The following KPNA6 variants were observed in gnomAD, a reference collection of about 807,000 sequenced individuals.
The protein encoded by KPNA6 is importin subunit alpha-7.
In KPNA6, 9 loss-of-function variants were observed where a neutral mutation model predicts 72.0. The observed-to-expected ratio is 0.13, with a 90% CI of 0.08 to 0.22. The LOEUF (loss-of-function observed/expected upper bound fraction) is 0.22. Among genes scored for constraint, KPNA6 ranks in the 10% least tolerant of loss-of-function variants. The pLI is 1.00. For missense variants in KPNA6, 374 were observed against 655.7 expected, an observed-to-expected ratio of 0.57 and a Z score of 4.69; for synonymous variants, 219 against 242.1, an observed-to-expected ratio of 0.90 and a Z score of 0.89.
chr1:32,115,231 G>A (rs1437506666), intron 1 of KPNA6, among the ~76,000 whole-genome samples: 2 of 151,828 alleles, frequency 1.3e-5, no homozygotes, highest in East Asian at 1.9e-4. Context: ...GGCCTCCCGG[G>A]TTCACGCCAT....
chr1:32,148,549 A>G (rs1364604904), intron 1 of KPNA6, among the ~76,000 whole-genome samples: 7 of 145,476 alleles, frequency 4.8e-5, no homozygotes, highest in African/African-American at 1.5e-4. Flanking sequence ...AATGTGGTGT[A>G]TATTGGTCTT....
rs1642465963 is a variant in KPNA6, at chr1:32,173,022, C to T, written c.*2128C>T. The T allele has an allele frequency of 2.5e-6, 1 of 398,034 alleles. No individual in the cohort carries two copies. The highest frequency in any genetic ancestry group is 4.4e-5 in the Admixed American group (1 of 22,678). 24.7% of individuals were successfully genotyped at this position (398,034 alleles called of 1,614,324 possible). ...GTCTGGCAATTGTCCTTGAAAAATCCCACCCATGTTGTACCACCTTGGTGA... is the reference window on the plus strand; with the variant it reads ...GTCTGGCAATTGTCCTTGAAAAATCTCACCCATGTTGTACCACCTTGGTGA... On this transcript the variant is annotated 3_prime_UTR_variant, in exon 14 of 14. Coordinates refer to ENST00000373625, the MANE Select transcript of KPNA6 (RefSeq NM_012316.5).
intron 2 of KPNA6, 74 bp downstream of exon 2, chr1:32,154,795 C>A: frequency 6.7e-7 from 1 of 1,491,578 alleles, no homozygotes; most frequent in Non-Finnish European, 9.2e-7. Context: ...CACCATGCAC[C>A]CTGACTTGCC....
chr1:32,109,767 C>T (rs1028759453), intron 1 of KPNA6, among the ~76,000 whole-genome samples: 48 of 151,712 alleles, frequency 3.2e-4, no homozygotes, highest in African/African-American at 1.1e-3. Flanking sequence ...GCCTCAGCCT[C>T]CCGAGTAGTT....
chr1:32,170,140 G>C, intron 13 of KPNA6, 80 bp downstream of exon 13: 2 of 1,335,412 alleles, frequency 1.5e-6, no homozygotes, highest in Non-Finnish European at 2.1e-6. Context: ...GGTGGTGGCG[G>C]AGTGTGGGTT....
chr1:32,118,340 C>G (rs1641363113), intron 1 of KPNA6, among the ~76,000 whole-genome samples: 1 of 148,518 alleles, frequency 6.7e-6, no homozygotes. Flanking sequence ...GCACTTTGTT[C>G]TTACTTTTTT....
Position 32,174,128 on chromosome 1 carries a change from C to G in KPNA6, c.*3234C>G, listed in dbSNP as rs1394925116. The G allele has an allele frequency of 6.6e-6, 1 of 152,200 alleles. No individual in the cohort carries two copies. Among genetic ancestry groups the G allele is most frequent in the African/African-American group, 2.4e-5 (1 of 41,428 alleles). 9.4% of individuals were successfully genotyped at this position (152,200 alleles called of 1,614,324 possible). ...CCACATGGATTCCACCCACAGCTGG[C>G]CAGGCTTGTTACATGGGTCAGGGAA... On this transcript the variant is annotated 3_prime_UTR_variant, in exon 14 of 14. Coordinates refer to ENST00000373625, the MANE Select transcript of KPNA6 (RefSeq NM_012316.5).
At chr1:32,136,333 G>A (rs1015075445) in intron 1 of KPNA6, among the ~76,000 whole-genome samples, 1 of 151,938 alleles carries the variant, frequency 6.6e-6, no homozygotes, top group Non-Finnish European at 1.5e-5. Flanking sequence ...ACCACACATG[G>A]CTAATTTTTT....
chr1:32,126,164 G>A (rs1045906746), intron 1 of KPNA6, among the ~76,000 whole-genome samples: 10 of 151,890 alleles, frequency 6.6e-5, no homozygotes, highest in Admixed American at 5.9e-4. Context: ...AGAATTATAG[G>A]TATGAGCCAT....
intron 12 of KPNA6, among the ~76,000 whole-genome samples, chr1:32,169,364 CAA>C (rs1297416743): frequency 1.9e-4 from 23 of 120,928 alleles, no homozygotes; most frequent in Admixed American, 2.6e-4. Context: ...GACCCTGTCT[CAA>C]AAAAAAAAAA....
intron 1 of KPNA6, among the ~76,000 whole-genome samples, chr1:32,144,485 T>C (rs945576460): frequency 1.3e-5 from 2 of 152,180 alleles, no homozygotes; most frequent in African/African-American, 2.4e-5. Context: ...GATTATATAG[T>C]AATTCTTTTT....
chr1:32,166,482 G>A (rs1416662885), intron 11 of KPNA6, among the ~76,000 whole-genome samples: 2 of 151,664 alleles, frequency 1.3e-5, no homozygotes, highest in Admixed American at 1.3e-4. Flanking sequence ...AAAATTAGAT[G>A]GGTGTGGTGG....
At chr1:32,161,582 C>T (rs1642239287) in intron 7 of KPNA6, among the ~76,000 whole-genome samples, 1 of 152,172 alleles carries the variant, frequency 6.6e-6, no homozygotes, top group African/African-American at 2.4e-5. Flanking sequence ...AGACCTATAG[C>T]TTTTATTTCT....
chr1:32,124,204 G>A (rs561647605), intron 1 of KPNA6, among the ~76,000 whole-genome samples: 2 of 151,914 alleles, frequency 1.3e-5, no homozygotes, highest in Admixed American at 1.3e-4. Flanking sequence ...CAAACCCCGT[G>A]TCTACAGAAA....
At chr1:32,128,665 TAGA>T (rs1327621105) in intron 1 of KPNA6, among the ~76,000 whole-genome samples, 1 of 151,880 alleles carries the variant, frequency 6.6e-6, no homozygotes, top group Non-Finnish European at 1.5e-5. Flanking sequence ...AATTGTCCAG[TAGA>T]AGAAGAGCCT....
At chr1:32,108,389 A>C (rs1641182625) in intron 1 of KPNA6, among the ~76,000 whole-genome samples, 1 of 152,236 alleles carries the variant, frequency 6.6e-6, no homozygotes, top group Non-Finnish European at 1.5e-5. Flanking sequence ...GGCCTCGGGC[A>C]GGAGCCCACG....
intron 1 of KPNA6, among the ~76,000 whole-genome samples, chr1:32,151,270 A>G (rs1473012007): frequency 6.6e-6 from 1 of 152,152 alleles, no homozygotes; most frequent in African/African-American, 2.4e-5. Context: ...TAATCCCACT[A>G]CTAAGCCATA....
chr1:32,152,661 T>C (rs988414416), intron 1 of KPNA6, among the ~76,000 whole-genome samples: 7 of 151,534 alleles, frequency 4.6e-5, no homozygotes, highest in Non-Finnish European at 7.4e-5. Context: ...CTGGCTAACA[T>C]GGTGAAACCC....
At position 32,161,927 on chromosome 1, in the gene KPNA6, G is replaced by T; in HGVS notation, c.648-20G>T. On this transcript the variant is annotated intron_variant, in intron 7 of 13. Coordinates refer to ENST00000373625, the MANE Select transcript of KPNA6 (RefSeq NM_012316.5). Reference sequence around the variant, plus strand: ...GCCAAGGCCTCAGTGCTCAGGATCTGGCTTTGCTGTTTCCTTCAGACTCCT... The same window carrying T: ...GCCAAGGCCTCAGTGCTCAGGATCTTGCTTTGCTGTTTCCTTCAGACTCCT... 1 of 1,598,340 alleles carries T rather than the reference G, an allele frequency of 6.3e-7. No individual in the cohort carries two copies. The highest frequency in any genetic ancestry group is 8.6e-7 in the Non-Finnish European group (1 of 1,166,136).
Sources: allele counts gnomAD v4.1 joint callset (sites outside exome capture counted in the v4.1 genomes callset), GRCh38; gene constraint gnomAD v4.1.1; transcripts MANE v1.5; gene names NCBI Gene and HGNC (gene_info 2026-07-23, HGNC 2026-07-21).